ZNF536: variants seen among roughly 807,000 people sequenced by gnomAD.
The protein encoded by ZNF536 is zinc finger protein 536.
In ZNF536, 13 loss-of-function variants were observed where a neutral mutation model predicts 84.5. That is an observed-to-expected ratio of 0.15 (90% CI 0.10 to 0.24). The LOEUF is 0.24. Ranked by LOEUF, ZNF536 falls within the 10% of genes least tolerant of loss-of-function variation. ZNF536 has a pLI of 1.00. For missense variants in ZNF536, 1,536 were observed against 1,747.5 expected (o/e 0.88, Z 2.16); for synonymous variants, 811 against 742.5 (o/e 1.09, Z -1.50).
At position 30,240,542 on chromosome 19, in the gene ZNF536, C is replaced by G. The variant is rs1018093516; in HGVS notation, c.-190+11869C>G. Among the ~76,000 whole-genome samples, 5 of 152,182 alleles carry G rather than the reference C, an allele frequency of 3.3e-5. No individual in the cohort carries two copies. In the South Asian group the frequency reaches 1.0e-3, roughly 31 times the overall value. On this transcript the variant is annotated intron_variant, in intron 1 of 5. Transcript: ENST00000585628. Reference sequence around the variant, plus strand: ...GCAGGTTGCTCTGCCTGGGAGGAGGCCCAGGAGTGCCATCGCATTGCTGCA... The same window carrying G: ...GCAGGTTGCTCTGCCTGGGAGGAGGGCCAGGAGTGCCATCGCATTGCTGCA...
chr19:30,360,211 G>A (rs1046679448), intron 3 of ZNF536, among the ~76,000 whole-genome samples: 2 of 152,210 alleles, frequency 1.3e-5, no homozygotes, highest in African/African-American at 4.8e-5. Flanking sequence ...GGAAGGGGTC[G>A]GCTCGGCTCT....
intron 1 of ZNF536, among the ~76,000 whole-genome samples, chr19:30,700,209 T>TCTCCTTCC (rs2051858101): frequency 1.6e-5 from 2 of 122,188 alleles, no homozygotes; most frequent in African/African-American, 6.4e-5. Flanking sequence ...TCCTTCTTTC[T>TCTCCTTCC]TTCCTTCTTT....
intron 1 of ZNF536, among the ~76,000 whole-genome samples, chr19:30,410,083 G>T (rs1161301038): frequency 6.6e-6 from 1 of 151,960 alleles, no homozygotes; most frequent in Non-Finnish European, 1.5e-5. Context: ...TTCGTACATG[G>T]TGTTTTCTAA....
intron 2 of ZNF536, among the ~76,000 whole-genome samples, chr19:30,526,731 A>G (rs891432186): frequency 4.0e-5 from 5 of 124,284 alleles, no homozygotes; most frequent in African/African-American, 1.0e-4. Context: ...CTCAAAAAAA[A>G]AAAAAAAAAA....
In ZNF536 at chr19:30,614,326, T is replaced by C. The variant is rs183942014; in HGVS notation, c.169+64812T>C. 2.6e-3 allele frequency among the ~76,000 whole-genome samples: 393 copies of C among 152,258 alleles called. 1 individual carries two copies. Among genetic ancestry groups the C allele is most frequent in the Middle Eastern group, 0.017 (5 of 294 alleles). ...GTTCCTTTGTAGAGTTCTACTCTTT[T>C]TAGAGATCTACTATAATTTACTTAA... On this transcript the variant is annotated intron_variant, in intron 1 of 1. Coordinates refer to the ZNF536 transcript ENST00000592773.
intron 1 of ZNF536, among the ~76,000 whole-genome samples, chr19:30,563,203 C>G (rs2046233429): frequency 6.6e-6 from 1 of 152,088 alleles, no homozygotes. Context: ...GGTGCCCCAC[C>G]CTCATCCTTG....
intron 2 of ZNF536, among the ~76,000 whole-genome samples, chr19:30,475,345 T>G (rs1001136581): frequency 6.6e-6 from 1 of 152,162 alleles, no homozygotes; most frequent in African/African-American, 2.4e-5. Flanking sequence ...GGCTCACGTC[T>G]ATAATCCCAG....
intron 1 of ZNF536, among the ~76,000 whole-genome samples, chr19:30,651,300 G>A (rs902095144): frequency 2.0e-5 from 3 of 152,162 alleles, no homozygotes; most frequent in African/African-American, 2.4e-5. Flanking sequence ...ATCAGAAAGC[G>A]CCCCAGTTGG....
chr19:30,668,427 G>C (rs1026018743), intron 1 of ZNF536, among the ~76,000 whole-genome samples: 4 of 152,186 alleles, frequency 2.6e-5, no homozygotes, highest in Admixed American at 1.3e-4. Context: ...TGGTGTGTCT[G>C]AGTTTTTGTG....
intron 2 of ZNF536, among the ~76,000 whole-genome samples, chr19:30,348,286 C>G (rs1405689955): frequency 6.6e-6 from 1 of 152,026 alleles, no homozygotes; most frequent in Non-Finnish European, 1.5e-5. Context: ...TTAACTGCAC[C>G]CAGGGTAGAT....
intron 1 of ZNF536, among the ~76,000 whole-genome samples, chr19:30,427,078 T>A (rs1418480990): frequency 6.6e-6 from 1 of 152,226 alleles, no homozygotes; most frequent in Non-Finnish European, 1.5e-5. Flanking sequence ...GCATATCCAC[T>A]AACTTGCTGT....
intron 1 of ZNF536, among the ~76,000 whole-genome samples, chr19:30,387,851 T>C (rs1600513146): frequency 6.6e-6 from 1 of 152,240 alleles, no homozygotes. Context: ...ACTTAGACCC[T>C]GCTTGAGGGA....
chr19:30,658,493 G>C (rs2050001880), intron 1 of ZNF536, among the ~76,000 whole-genome samples: 1 of 151,902 alleles, frequency 6.6e-6, no homozygotes, highest in Admixed American at 6.6e-5. Flanking sequence ...CAGGGTCTTT[G>C]AATATACTGT....
At chr19:30,599,281 T>C in intron 1 of ZNF536, among the ~76,000 whole-genome samples, 1 of 102,288 alleles carries the variant, frequency 9.8e-6, no homozygotes, top group Non-Finnish European at 1.9e-5. Context: ...TCCTTGTCTC[T>C]CTCCTTTCCT....
At chr19:30,279,961 C>A (rs2045378729) in intron 1 of ZNF536, among the ~76,000 whole-genome samples, 1 of 152,214 alleles carries the variant, frequency 6.6e-6, no homozygotes, top group Non-Finnish European at 1.5e-5. Context: ...ACAGCCCCTG[C>A]TCCTGCTGCC....
At chr19:30,684,714 A>G (rs1282833696) in intron 1 of ZNF536, among the ~76,000 whole-genome samples, 3 of 152,304 alleles carry the variant, frequency 2.0e-5, no homozygotes, top group Non-Finnish European at 4.4e-5. Flanking sequence ...GAGGTTCTGC[A>G]TGTAAACCAG....
intron 3 of ZNF536, among the ~76,000 whole-genome samples, chr19:30,363,233 C>T (rs572273380): frequency 8.5e-5 from 13 of 152,250 alleles, no homozygotes; most frequent in East Asian, 5.8e-4. Context: ...CTGCCCAGAG[C>T]GCTGCAATCC....
intron 1 of ZNF536, among the ~76,000 whole-genome samples, chr19:30,392,524 C>T (rs1038088304): frequency 2.0e-5 from 3 of 152,198 alleles, no homozygotes; most frequent in African/African-American, 7.2e-5. Context: ...CTGCCAACTC[C>T]TGAATGCCAC....
chr19:30,377,550 G>A (rs1322604896), intron 1 of ZNF536, among the ~76,000 whole-genome samples: 1 of 152,158 alleles, frequency 6.6e-6, no homozygotes, highest in Non-Finnish European at 1.5e-5. Context: ...GTTCAGGAAA[G>A]TAAGAAAAGG....
Sources: gnomAD v4.1 joint callset for allele counts (sites outside exome capture counted in the v4.1 genomes callset) on GRCh38, gnomAD v4.1.1 for gene constraint, MANE v1.5 for transcripts, NCBI Gene and HGNC (gene_info 2026-07-23, HGNC 2026-07-21) for gene names.